The following ATP9A variants were observed in gnomAD, a reference collection of about 807,000 sequenced individuals.
ATP9A encodes the protein probable phospholipid-transporting ATPase IIA.
A neutral mutation model predicts 144.1 loss-of-function variants in ATP9A; 52 were observed. The observed-to-expected ratio is 0.36, with a 90% CI of 0.29 to 0.45. The LOEUF (loss-of-function observed/expected upper bound fraction) is 0.45, where lower values mean the gene tolerates loss of function less well. ATP9A is among the 20% of genes least tolerant of loss of function. The probability of loss-of-function intolerance (pLI) is 1.00; values close to 1 mark genes in which losing one functional copy is unlikely to be tolerated. For synonymous variants in ATP9A, 582 were observed against 557.4 expected, an observed-to-expected ratio of 1.04 and a Z score of -0.62; for missense variants, 947 against 1,392.7, an observed-to-expected ratio of 0.68 and a Z score of 5.09.
At chr20:51,750,614 C>T (rs1448547638) in intron 1 of ATP9A, among the ~76,000 whole-genome samples, 2 of 152,192 alleles carry the variant, frequency 1.3e-5, no homozygotes, top group African/African-American at 4.8e-5. Context: ...AATGACTTGC[C>T]TTGCTCCTCC....
At chr20:51,614,253 T>C (rs942231632) in intron 22 of ATP9A, among the ~76,000 whole-genome samples, 1 of 152,230 alleles carries the variant, frequency 6.6e-6, no homozygotes, top group Non-Finnish European at 1.5e-5. Context: ...GAAGTGGGAA[T>C]AACTTGCAGT....
At chr20:51,745,265 TA>T (rs56011562) in intron 1 of ATP9A, among the ~76,000 whole-genome samples, 1,517 of 106,502 alleles carry the variant, frequency 0.014, 13 homozygotes, top group Middle Eastern at 0.047. Context: ...AGACTCCGTC[TA>T]AAAAAAAAAA....
chr20:51,614,888 A>G (rs1429338563), intron 22 of ATP9A, among the ~76,000 whole-genome samples: 2 of 152,164 alleles, frequency 1.3e-5, no homozygotes, highest in Non-Finnish European at 2.9e-5. Context: ...AAGATCAGAA[A>G]CATGAGGACA....
intron 8 of ATP9A, among the ~76,000 whole-genome samples, chr20:51,689,625 C>T (rs2077538460): frequency 6.6e-6 from 1 of 151,330 alleles, no homozygotes; most frequent in Non-Finnish European, 1.5e-5. Context: ...GCAACCTCCA[C>T]CTCCCAGGTT....
chr20:51,689,623 C>T (rs996336021), intron 8 of ATP9A, among the ~76,000 whole-genome samples: 2 of 151,440 alleles, frequency 1.3e-5, no homozygotes, highest in African/African-American at 4.8e-5. Flanking sequence ...CTGCAACCTC[C>T]ACCTCCCAGG....
intron 1 of ATP9A, among the ~76,000 whole-genome samples, chr20:51,742,177 T>A (rs2031346): frequency 0.21 from 32,411 of 151,720 alleles, 3,654 homozygotes; most frequent in South Asian, 0.36. Flanking sequence ...TCAAAAATAA[T>A]TAGCCAGGCA....
At chr20:51,627,026 C>G (rs1436768892) in intron 17 of ATP9A, among the ~76,000 whole-genome samples, 1 of 144,980 alleles carries the variant, frequency 6.9e-6, no homozygotes, top group African/African-American at 2.5e-5. Flanking sequence ...CACTGCACTC[C>G]AGCCTGGGCG....
intron 1 of ATP9A, among the ~76,000 whole-genome samples, chr20:51,749,787 GC>G (rs1459540345): frequency 1.3e-5 from 2 of 152,070 alleles, no homozygotes; most frequent in African/African-American, 4.8e-5. Context: ...CTTTGCAATG[GC>G]TACACCTCTG....
At chr20:51,687,521 G>GT (rs2077528334) in intron 9 of ATP9A, among the ~76,000 whole-genome samples, 1 of 152,118 alleles carries the variant, frequency 6.6e-6, no homozygotes, top group African/African-American at 2.4e-5. Flanking sequence ...TGATCCCAGC[G>GT]TTTTGGCTGA....
At position 51,601,361 on chromosome 20, in the gene ATP9A, G is replaced by T; in HGVS notation, c.3008-14C>A. On this transcript the variant is annotated splice_polypyrimidine_tract_variant and intron_variant, in intron 27 of 27. Coordinates refer to ENST00000338821, the MANE Select transcript of ATP9A (RefSeq NM_006045.3). The stretch of plus-strand genomic sequence containing the variant: ...TGAAGTACACATCTGCAAGGAAAGG[G>T]GAAGACGGCAGTGAGCAGGCAGGAA... 1 of 1,601,824 alleles carries T rather than the reference G, an allele frequency of 6.2e-7. No homozygotes were observed.
At chr20:51,647,499 T>G (rs2077346743) in intron 14 of ATP9A, among the ~76,000 whole-genome samples, 1 of 150,668 alleles carries the variant, frequency 6.6e-6, no homozygotes, top group Non-Finnish European at 1.5e-5. Context: ...TGCAGTGAGC[T>G]GAGATTGTGG....
intron 16 of ATP9A, among the ~76,000 whole-genome samples, chr20:51,628,738 C>T (rs181171350): frequency 6.6e-6 from 1 of 152,368 alleles, no homozygotes; most frequent in East Asian, 1.9e-4. Context: ...CAGCCCCAGC[C>T]AACATCTGAA....
At chr20:51,659,462 C>T (rs536190162) in intron 13 of ATP9A, among the ~76,000 whole-genome samples, 1 of 152,248 alleles carries the variant, frequency 6.6e-6, no homozygotes, top group South Asian at 2.1e-4. Flanking sequence ...AATTGACATG[C>T]ATTTTTTTTC....
At chr20:51,619,876 A>C (rs2077219477) in intron 19 of ATP9A, among the ~76,000 whole-genome samples, 1 of 151,736 alleles carries the variant, frequency 6.6e-6, no homozygotes, top group African/African-American at 2.4e-5. Context: ...TCTCAAAAAA[A>C]AAAAAAAAAA....
intron 1 of ATP9A, among the ~76,000 whole-genome samples, chr20:51,767,834 G>A (rs1360769382): frequency 1.3e-5 from 2 of 152,214 alleles, no homozygotes; most frequent in African/African-American, 2.4e-5. Flanking sequence ...GGGGTACCCC[G>A]AGGCGTAGGC....
intron 14 of ATP9A, among the ~76,000 whole-genome samples, chr20:51,642,024 G>C (rs1304342231): frequency 6.6e-6 from 1 of 151,992 alleles, no homozygotes; most frequent in African/African-American, 2.4e-5. Context: ...ATTTTTTGTA[G>C]ACACTGTACC....
intron 13 of ATP9A, among the ~76,000 whole-genome samples, chr20:51,665,582 G>T (rs1018129333): frequency 3.3e-5 from 5 of 152,092 alleles, no homozygotes; most frequent in African/African-American, 1.2e-4. Flanking sequence ...AAATTAGCCA[G>T]GTGTGTTGGC....
intron 1 of ATP9A, among the ~76,000 whole-genome samples, chr20:51,732,148 G>A (rs149864736): frequency 7.7e-4 from 117 of 152,288 alleles, no homozygotes; most frequent in African/African-American, 1.5e-3. Flanking sequence ...AATCTGGGCT[G>A]CTCTGGCAAA....
chr20:51,712,654 AG>A (rs746789389), intron 4 of ATP9A, among the ~76,000 whole-genome samples: 1 of 152,350 alleles, frequency 6.6e-6, no homozygotes, highest in Non-Finnish European at 1.5e-5. Context: ...CTCTTCAGCC[AG>A]GCGGCAGAAC....
Sources: gnomAD v4.1 joint callset for allele counts (sites outside exome capture counted in the v4.1 genomes callset) on GRCh38, gnomAD v4.1.1 for gene constraint, MANE v1.5 for transcripts, NCBI Gene and HGNC (gene_info 2026-07-23, HGNC 2026-07-21) for gene names.